RANBP2: variants seen among roughly 807,000 people sequenced by gnomAD.
RANBP2 encodes RAN binding protein 2.
RANBP2 carries 57 observed loss-of-function variants against 303.6 expected under a neutral mutation model. That is an observed-to-expected ratio of 0.19 (90% CI 0.15 to 0.23). The LOEUF is 0.23. RANBP2 is among the 10% of genes least tolerant of loss of function. RANBP2 has a pLI of 1.00. For missense variants in RANBP2, 3,138 were observed against 3,780.8 expected (o/e 0.83, Z 4.46); for synonymous variants, 1,167 against 1,301.5 (o/e 0.90, Z 2.23).
chr2:108,907,777 C>T, the RANBP2 span: 2 of 1,524,130 alleles, frequency 1.3e-6, no homozygotes, highest in Non-Finnish European at 1.8e-6. Flanking sequence ...TGCAGGAGAG[C>T]TGATTCAATA....
the RANBP2 span, chr2:109,130,217 T>G: frequency 9.0e-7 from 1 of 1,111,828 alleles, no homozygotes; most frequent in East Asian, 3.3e-5. Context: ...CCACGGGTGG[T>G]CCTGCGTTGG....
At chr2:109,430,661 T>C in the RANBP2 span, among the ~76,000 whole-genome samples, 1 of 152,244 alleles carries the variant, frequency 6.6e-6, no homozygotes, top group Non-Finnish European at 1.5e-5. Flanking sequence ...GACTTTTCCC[T>C]TAGTGGTATT....
At chr2:109,257,148 C>T in the RANBP2 span, among the ~76,000 whole-genome samples, 7 of 152,224 alleles carry the variant, frequency 4.6e-5, no homozygotes, top group Non-Finnish European at 1.0e-4. Context: ...CCGACATTCA[C>T]TCAGCATCCT....
At chr2:109,136,311 T>G in the RANBP2 span, among the ~76,000 whole-genome samples, 2 of 152,148 alleles carry the variant, frequency 1.3e-5, no homozygotes, top group East Asian at 3.9e-4. Flanking sequence ...TCAATTTTTA[T>G]CAGATTTGCC....
the RANBP2 span, among the ~76,000 whole-genome samples, chr2:108,909,979 G>A: frequency 5.3e-5 from 8 of 152,228 alleles, no homozygotes; most frequent in Non-Finnish European, 1.2e-4. Context: ...CTCCTGGGCT[G>A]TGGAGGGAGG....
the RANBP2 span, among the ~76,000 whole-genome samples, chr2:109,243,698 G>A: frequency 0.3 from 45,312 of 152,100 alleles, 7,599 homozygotes; most frequent in Non-Finnish European, 0.38. Flanking sequence ...CAATCGCCTG[G>A]TACAGGGAGA....
chr2:109,660,497 A>C, the RANBP2 span, among the ~76,000 whole-genome samples: 1 of 152,216 alleles, frequency 6.6e-6, no homozygotes, highest in Non-Finnish European at 1.5e-5. Context: ...TGCTCAAAAC[A>C]CCAAGAACCT....
the RANBP2 span, among the ~76,000 whole-genome samples, chr2:109,608,511 G>A: frequency 1.3e-5 from 2 of 152,168 alleles, no homozygotes; most frequent in Non-Finnish European, 2.9e-5. Context: ...AAGTTCCTTG[G>A]TCATATGATC....
the RANBP2 span, among the ~76,000 whole-genome samples, chr2:108,904,301 G>GT: frequency 6.6e-6 from 1 of 152,260 alleles, no homozygotes; most frequent in African/African-American, 2.4e-5. Context: ...ACAAAACATA[G>GT]TAACACCACC....
the RANBP2 span, among the ~76,000 whole-genome samples, chr2:108,920,032 G>A: frequency 6.6e-6 from 1 of 152,192 alleles, no homozygotes; most frequent in East Asian, 1.9e-4. Context: ...TGAGCAAGTG[G>A]CACCATGTCC....
At chr2:109,621,002 G>T in the RANBP2 span, among the ~76,000 whole-genome samples, 1 of 152,192 alleles carries the variant, frequency 6.6e-6, no homozygotes, top group East Asian at 1.9e-4. Context: ...TCATTTTAAA[G>T]CACACTTGTG....
chr2:109,424,437 A>C, the RANBP2 span, among the ~76,000 whole-genome samples: 28 of 152,100 alleles, frequency 1.8e-4, no homozygotes, highest in African/African-American at 6.8e-4. Flanking sequence ...GGCAAACCTC[A>C]TTTCATCGCA....
At chr2:108,719,920 G>C (rs1431763520) in intron 1 of RANBP2, among the ~76,000 whole-genome samples, 3 of 150,614 alleles carry the variant, frequency 2.0e-5, no homozygotes, top group African/African-American at 7.4e-5. Flanking sequence ...TGTTCCCGAC[G>C]CTTGTTCCCG....
At chr2:109,392,873 T>C in the RANBP2 span, among the ~76,000 whole-genome samples, 1 of 152,138 alleles carries the variant, frequency 6.6e-6, no homozygotes, top group Non-Finnish European at 1.5e-5. Context: ...GAAGCCTTTC[T>C]CCTTAAAGGC....
the RANBP2 span, among the ~76,000 whole-genome samples, chr2:109,300,458 G>T: frequency 5.3e-5 from 8 of 152,170 alleles, no homozygotes; most frequent in Non-Finnish European, 1.0e-4. Flanking sequence ...GGGATTATAG[G>T]TGTGAGCCAC....
the RANBP2 span, chr2:108,883,196 A>T: frequency 2.0e-5 from 3 of 152,200 alleles, no homozygotes; most frequent in African/African-American, 7.2e-5. Context: ...ACTTTGTATC[A>T]TGAGGTCTGC....
chr2:109,476,574 G>A, the RANBP2 span, among the ~76,000 whole-genome samples: 1 of 152,148 alleles, frequency 6.6e-6, no homozygotes, highest in Admixed American at 6.5e-5. Flanking sequence ...TAAAGCTCTC[G>A]GGCTCTCCAT....
At chr2:109,353,531 C>A in the RANBP2 span, among the ~76,000 whole-genome samples, 1 of 152,214 alleles carries the variant, frequency 6.6e-6, no homozygotes, top group South Asian at 2.1e-4. Flanking sequence ...CAAGGGGCGC[C>A]TGGAGGGACG....
chr2:109,186,707 C>T, the RANBP2 span, among the ~76,000 whole-genome samples: 1 of 152,216 alleles, frequency 6.6e-6, no homozygotes, highest in Non-Finnish European at 1.5e-5. Context: ...GAGCCACACA[C>T]ACAGCTTTGA....
Sources: gnomAD v4.1 joint callset for allele counts (sites outside exome capture counted in the v4.1 genomes callset) on GRCh38, gnomAD v4.1.1 for gene constraint, MANE v1.5 for transcripts, NCBI Gene and HGNC (gene_info 2026-07-23, HGNC 2026-07-21) for gene names.